The following KCNH5 variants were observed in gnomAD, a reference collection of about 807,000 sequenced individuals.
KCNH5 encodes the protein voltage-gated delayed rectifier potassium channel KCNH5.
Under a neutral mutation model 96.1 loss-of-function variants are expected in KCNH5, and 46 were observed. The observed-to-expected ratio is 0.48, with a 90% CI of 0.38 to 0.61. The LOEUF (loss-of-function observed/expected upper bound fraction) is 0.61. Ranked by LOEUF, KCNH5 falls within the 20% of genes least tolerant of loss-of-function variation. The probability of loss-of-function intolerance (pLI) is 0.00; values close to 1 mark genes in which losing one functional copy is unlikely to be tolerated. For synonymous variants in KCNH5, 439 were observed against 449.8 expected (o/e 0.98, Z 0.30); for missense variants, 907 against 1,225.8 (o/e 0.74, Z 3.88).
At chr14:62,981,355 A>G (rs1890604332) in intron 5 of KCNH5, 91 bp from the exon 6 acceptor site, 20 of 1,274,204 alleles carry the variant, frequency 1.6e-5, no homozygotes, top group Non-Finnish European at 2.2e-5. Flanking sequence ...AACCACAGCC[A>G]GTCATGCTCC....
intron 7 of KCNH5, among the ~76,000 whole-genome samples, chr14:62,869,118 T>C (rs1354869395): frequency 6.6e-6 from 1 of 152,236 alleles, no homozygotes; most frequent in Non-Finnish European, 1.5e-5. Flanking sequence ...CCACACTGTC[T>C]TCCACAATGG....
chr14:62,834,978 T>A (rs1887436079), intron 8 of KCNH5, among the ~76,000 whole-genome samples: 1 of 151,986 alleles, frequency 6.6e-6, no homozygotes, highest in Admixed American at 6.6e-5. Flanking sequence ...TGATCCCTCA[T>A]CTTAACGAAT....
chr14:62,808,184 A>G (rs1316085587), intron 8 of KCNH5, among the ~76,000 whole-genome samples: 2 of 152,170 alleles, frequency 1.3e-5, no homozygotes, highest in Non-Finnish European at 2.9e-5. Context: ...GGAAAGTGGA[A>G]TGGACTTTTG....
At chr14:62,964,898 C>T (rs2139548332) in intron 6 of KCNH5, among the ~76,000 whole-genome samples, 1 of 150,364 alleles carries the variant, frequency 6.7e-6, no homozygotes, top group East Asian at 2.0e-4. Flanking sequence ...AGTCCAATCC[C>T]TCTCCCCTAG....
chr14:62,712,673 C>T lies in KCNH5; in HGVS notation c.2020-4218G>A, dbSNP rs755347355. On this transcript the variant is annotated intron_variant, in intron 10 of 10. Transcript: ENST00000322893. ...GGAAGTCGTGCAGCAGTTTCACACC[C>T]AGCAGGTCACCCTTCACAGAGCGTT... is the stretch of plus-strand genomic sequence containing the variant. 3.9e-6 allele frequency: 3 copies of T among 778,354 alleles called. No homozygotes were observed. In the East Asian group the frequency reaches 7.3e-5, roughly 19 times the overall value. The allele number at this position is 778,354 out of a possible 1,614,324, so 48.2% of individuals were successfully genotyped here.
intron 8 of KCNH5, among the ~76,000 whole-genome samples, chr14:62,828,971 C>G (rs1887284667): frequency 6.6e-6 from 1 of 152,136 alleles, no homozygotes. Flanking sequence ...TGCTCCCACT[C>G]CAAAAAGGGA....
At chr14:62,824,092 T>C (rs752767398) in intron 8 of KCNH5, among the ~76,000 whole-genome samples, 14 of 151,146 alleles carry the variant, frequency 9.3e-5, no homozygotes, top group Non-Finnish European at 1.6e-4. Context: ...GAAAAAAAAA[T>C]TCACCAAGAT....
At chr14:63,000,550 C>A (rs1353004365) in intron 4 of KCNH5, among the ~76,000 whole-genome samples, 1 of 152,150 alleles carries the variant, frequency 6.6e-6, no homozygotes, top group East Asian at 1.9e-4. Context: ...CAAAATTATT[C>A]TTTCCATAAT....
At chr14:62,912,055 AAAAGT>A (rs1889169316) in intron 7 of KCNH5, among the ~76,000 whole-genome samples, 1 of 151,446 alleles carries the variant, frequency 6.6e-6, no homozygotes, top group Admixed American at 6.6e-5. Flanking sequence ...AAAAAAAAAA[AAAAGT>A]AAAGTGTTTT....
At chr14:62,944,890 A>G (rs1289221858) in intron 7 of KCNH5, among the ~76,000 whole-genome samples, 3 of 152,174 alleles carry the variant, frequency 2.0e-5, no homozygotes, top group African/African-American at 7.2e-5. Flanking sequence ...AGGCAAGAAG[A>G]TGTCAAAAAT....
intron 7 of KCNH5, among the ~76,000 whole-genome samples, chr14:62,923,341 G>T (rs999891394): frequency 4.6e-5 from 7 of 151,730 alleles, no homozygotes; most frequent in African/African-American, 1.5e-4. Context: ...TAAATGGAAA[G>T]ACATCCCATG....
intron 4 of KCNH5, among the ~76,000 whole-genome samples, chr14:62,996,980 T>C (rs1890916503): frequency 6.6e-6 from 1 of 152,250 alleles, no homozygotes; most frequent in Non-Finnish European, 1.5e-5. Context: ...ATTATTTCTC[T>C]TTTGTTTAAA....
At position 62,703,848 on chromosome 14, in the gene KCNH5, G is replaced by C. The variant is rs1884384419; in HGVS notation, c.*3660C>G. 1 of 151,662 alleles carries C rather than the reference G, an allele frequency of 6.6e-6. No homozygotes were observed. Among genetic ancestry groups the C allele is most frequent in the East Asian group, 1.9e-4 (1 of 5,184 alleles). 9.4% of individuals were successfully genotyped at this position (151,662 alleles called of 1,614,324 possible). On this transcript the variant is annotated 3_prime_UTR_variant, in exon 11 of 11. Transcript: ENST00000322893. ...CAAACTCATAGAAAATTGCTTAAAAGATAAAAATTATACAAGATAGTGGAA... is the reference window on the plus strand; with the variant it reads ...CAAACTCATAGAAAATTGCTTAAAACATAAAAATTATACAAGATAGTGGAA...
At position 62,950,566 on chromosome 14, in the gene KCNH5, T is replaced by TA; in HGVS notation, c.943-8_943-7insT. 6 of 1,487,664 alleles carry TA rather than the reference T, an allele frequency of 4.0e-6. No homozygotes were observed. Among genetic ancestry groups the TA allele is most frequent in the Non-Finnish European group, 2.7e-6 (3 of 1,124,464 alleles). 92.2% of individuals were successfully genotyped at this position (1,487,664 alleles called of 1,614,324 possible). On this transcript the variant is annotated splice_region_variant and splice_polypyrimidine_tract_variant and intron_variant, in intron 6 of 10. Coordinates refer to ENST00000322893, the MANE Select transcript of KCNH5 (RefSeq NM_139318.5). ...TGAAGAGACTGCTGATTCCCTGGAT[T>TA]TAAAAAAAAAAAAAAAATTACACCA...
At chr14:62,835,860 T>G (rs921406035) in intron 8 of KCNH5, among the ~76,000 whole-genome samples, 2 of 152,046 alleles carry the variant, frequency 1.3e-5, no homozygotes, top group Non-Finnish European at 2.9e-5. Context: ...CAATTTTTTA[T>G]GATTGCCCTC....
At chr14:62,834,466 A>T (rs1887425031) in intron 8 of KCNH5, among the ~76,000 whole-genome samples, 1 of 152,046 alleles carries the variant, frequency 6.6e-6, no homozygotes, top group African/African-American at 2.4e-5. Flanking sequence ...ATTGTACTAG[A>T]GGGACAATTA....
At chr14:62,892,238 G>T (rs1888724725) in intron 7 of KCNH5, among the ~76,000 whole-genome samples, 1 of 152,218 alleles carries the variant, frequency 6.6e-6, no homozygotes, top group Non-Finnish European at 1.5e-5. Flanking sequence ...ATGCGAAAGA[G>T]AAACAGCTTT....
At chr14:62,762,750 A>G (rs1411257392) in intron 10 of KCNH5, among the ~76,000 whole-genome samples, 3 of 150,608 alleles carry the variant, frequency 2.0e-5, no homozygotes, top group Non-Finnish European at 3.0e-5. Context: ...TCTAATTTCA[A>G]AAAAAAAAAC....
chr14:62,718,318 T>C (rs1884730267), intron 10 of KCNH5, among the ~76,000 whole-genome samples: 4 of 151,978 alleles, frequency 2.6e-5, no homozygotes. Flanking sequence ...ATATCTGATA[T>C]AGGTTTAGTA....
Sources: gnomAD v4.1 joint callset for allele counts (sites outside exome capture counted in the v4.1 genomes callset) on GRCh38, gnomAD v4.1.1 for gene constraint, MANE v1.5 for transcripts, NCBI Gene and HGNC (gene_info 2026-07-23, HGNC 2026-07-21) for gene names.